CTNNA3: variants seen among roughly 807,000 people sequenced by gnomAD.
CTNNA3 encodes catenin alpha-3.
CTNNA3 carries 76 observed loss-of-function variants against 95.7 expected under a neutral mutation model. The ratio of observed to expected loss-of-function variants is 0.79; its 90% CI spans 0.66 to 0.96. The LOEUF is 0.96. Among genes scored for constraint, CTNNA3 ranks in the 40% least tolerant of loss-of-function variants. The pLI is 0.00. For missense variants in CTNNA3, 1,191 were observed against 1,089.8 expected, an observed-to-expected ratio of 1.09 and a Z score of -1.31; for synonymous variants, 431 against 374.4, an observed-to-expected ratio of 1.15 and a Z score of -1.74.
At chr10:66,256,522 C>A (rs1232060185) in intron 13 of CTNNA3, among the ~76,000 whole-genome samples, 1 of 151,304 alleles carries the variant, frequency 6.6e-6, no homozygotes, top group East Asian at 1.9e-4. Flanking sequence ...GAGTTCGAGA[C>A]CAGCCTGGCC....
At chr10:66,125,673 A>G (rs1294944655) in intron 13 of CTNNA3, among the ~76,000 whole-genome samples, 1 of 152,214 alleles carries the variant, frequency 6.6e-6, no homozygotes, top group Non-Finnish European at 1.5e-5. Flanking sequence ...ATAAATATAA[A>G]GAAATGAACT....
intron 13 of CTNNA3, among the ~76,000 whole-genome samples, chr10:66,143,735 A>G (rs898281618): frequency 2.0e-5 from 3 of 152,134 alleles, no homozygotes; most frequent in African/African-American, 7.2e-5. Context: ...CCAAAGTAAT[A>G]CCTTAACCGC....
chr10:66,280,383 G>T, intron 13 of CTNNA3, 87 bp downstream of exon 13: 1 of 1,185,204 alleles, frequency 8.4e-7, no homozygotes, highest in Non-Finnish European at 1.2e-6. Flanking sequence ...TTACAGCATA[G>T]AAATAAAGCA....
rs556012820 is a variant in CTNNA3, at chr10:66,159,000, A to G, written c.1885-55751T>C. On this transcript the variant is annotated intron_variant, in intron 13 of 17. Coordinates refer to ENST00000433211, the MANE Select transcript of CTNNA3 (RefSeq NM_013266.4). ...ATAGAAGAGCTACTGATTTGTGTACATTAATCTTGTATCTGGAAACTTTGC... is the reference window on the plus strand; with the variant it reads ...ATAGAAGAGCTACTGATTTGTGTACGTTAATCTTGTATCTGGAAACTTTGC... Among the ~76,000 whole-genome samples the G allele has an allele frequency of 7.2e-5, 11 of 152,180 alleles. No individual in the cohort carries two copies. The South Asian group carries it at 2.3e-3, about 32-fold the overall frequency.
chr10:66,371,864 T>C (rs2092757030), intron 12 of CTNNA3, among the ~76,000 whole-genome samples: 1 of 152,182 alleles, frequency 6.6e-6, no homozygotes, highest in African/African-American at 2.4e-5. Flanking sequence ...ATAATGCTTC[T>C]GGCACTGGAA....
At chr10:66,163,528 C>A (rs1338921847) in intron 13 of CTNNA3, among the ~76,000 whole-genome samples, 1 of 152,158 alleles carries the variant, frequency 6.6e-6, no homozygotes, top group African/African-American at 2.4e-5. Flanking sequence ...CCCTTTCCCA[C>A]TTCTTCAGTT....
intron 7 of CTNNA3, among the ~76,000 whole-genome samples, chr10:66,911,192 A>G (rs1434935919): frequency 6.6e-6 from 1 of 152,246 alleles, no homozygotes; most frequent in Non-Finnish European, 1.5e-5. Context: ...TTCAACATTA[A>G]TAAAGACCGT....
intron 9 of CTNNA3, among the ~76,000 whole-genome samples, chr10:66,659,181 A>AACAG (rs550966177): frequency 0.023 from 3,386 of 145,672 alleles, 221 homozygotes; most frequent in East Asian, 0.16. Flanking sequence ...TAATTAAGAA[A>AACAG]ACACACACAC....
chr10:66,734,383 C>T (rs1367162920), intron 9 of CTNNA3, among the ~76,000 whole-genome samples: 1 of 151,998 alleles, frequency 6.6e-6, no homozygotes, highest in Non-Finnish European at 1.5e-5. Context: ...TAATGGGAAT[C>T]TGAACTATTA....
intron 1 of CTNNA3, among the ~76,000 whole-genome samples, chr10:67,713,631 T>C (rs1179903028): frequency 6.6e-6 from 1 of 152,202 alleles, no homozygotes; most frequent in Admixed American, 6.5e-5. Flanking sequence ...TCATGTCCTT[T>C]GCAGGGACAT....
chr10:66,903,478 T>A (rs1745953882), intron 7 of CTNNA3, among the ~76,000 whole-genome samples: 1 of 152,164 alleles, frequency 6.6e-6, no homozygotes, highest in African/African-American at 2.4e-5. Flanking sequence ...AAGAAAAGGA[T>A]GCCCTCTCTC....
intron 9 of CTNNA3, among the ~76,000 whole-genome samples, chr10:66,664,287 G>GT (rs538893038): frequency 6.6e-6 from 1 of 151,988 alleles, no homozygotes; most frequent in Non-Finnish European, 1.5e-5. Context: ...ATCTCAAATA[G>GT]TTTTTTTAAA....
chr10:67,121,981 CAAAAAAAA>C (rs370358378), intron 7 of CTNNA3, among the ~76,000 whole-genome samples: 7 of 47,144 alleles, frequency 1.5e-4, no homozygotes, highest in Middle Eastern at 0.025. Context: ...TTATTCTGAG[CAAAAAAAA>C]AAAAAAAAAA....
At chr10:66,443,938 C>A (rs139191142) in intron 11 of CTNNA3, among the ~76,000 whole-genome samples, 2 of 151,422 alleles carry the variant, frequency 1.3e-5, no homozygotes, top group African/African-American at 4.8e-5. Context: ...AAAGATTAGA[C>A]GAATGGATAA....
chr10:67,450,019 CAT>C (rs201675654), intron 5 of CTNNA3, among the ~76,000 whole-genome samples: 3,427 of 152,152 alleles, frequency 0.023, 59 homozygotes, highest in Non-Finnish European at 0.034. Flanking sequence ...GAAGACATAA[CAT>C]GTGGCCAACA....
chr10:65,931,790 G>A (rs956722780), intron 17 of CTNNA3, among the ~76,000 whole-genome samples: 17 of 152,236 alleles, frequency 1.1e-4, no homozygotes, highest in African/African-American at 4.1e-4. Flanking sequence ...CAGCACAGCT[G>A]TCTCCTAGCT....
At chr10:66,120,636 AGCT>A (rs1305353886) in intron 13 of CTNNA3, among the ~76,000 whole-genome samples, 8 of 152,200 alleles carry the variant, frequency 5.3e-5, no homozygotes, top group Non-Finnish European at 7.3e-5. Flanking sequence ...ATTGGAGAAC[AGCT>A]GCTAACACAA....
chr10:67,759,718 T>C (rs1025500996), intron 1 of CTNNA3, among the ~76,000 whole-genome samples: 8 of 152,176 alleles, frequency 5.3e-5, no homozygotes, highest in Non-Finnish European at 1.0e-4. Flanking sequence ...AGAGGAATTA[T>C]CGTGCTGACC....
intron 7 of CTNNA3, among the ~76,000 whole-genome samples, chr10:66,929,424 C>G (rs1589438929): frequency 1.3e-5 from 2 of 152,132 alleles, no homozygotes; most frequent in African/African-American, 4.8e-5. Context: ...TTAGCTCTGT[C>G]CTGTTCTGTT....
Sources: gnomAD v4.1 joint callset for allele counts (sites outside exome capture counted in the v4.1 genomes callset) on GRCh38, gnomAD v4.1.1 for gene constraint, MANE v1.5 for transcripts, NCBI Gene and HGNC (gene_info 2026-07-23, HGNC 2026-07-21) for gene names.